The following NXPE2 variants were observed in gnomAD, a reference collection of about 807,000 sequenced individuals.
The protein encoded by NXPE2 is NXPE family member 2.
A neutral mutation model predicts 34.4 loss-of-function variants in NXPE2; 34 were observed. The ratio of observed to expected loss-of-function variants is 0.99; its 90% confidence interval spans 0.75 to 1.31. NXPE2 has a LOEUF of 1.31. NXPE2 is among the 40% of genes most tolerant of loss of function. NXPE2 has a pLI of 0.00. For synonymous variants in NXPE2, 235 were observed against 231.3 expected (o/e 1.02, Z -0.15); for missense variants, 649 against 672.5 (o/e 0.97, Z 0.39).
chr11:114,549,347 T>A, the NXPE2 span, among the ~76,000 whole-genome samples: 1 of 152,038 alleles, frequency 6.6e-6, no homozygotes, highest in East Asian at 1.9e-4. Context: ...GAGATATACA[T>A]CTTAAATAAA....
the NXPE2 span, among the ~76,000 whole-genome samples, chr11:114,534,034 C>A: frequency 1.3e-5 from 2 of 152,210 alleles, no homozygotes; most frequent in Non-Finnish European, 2.9e-5. Context: ...GAGGCACCCC[C>A]CAGTAGGGGC....
At chr11:114,553,312 G>A in the NXPE2 span, among the ~76,000 whole-genome samples, 7 of 152,228 alleles carry the variant, frequency 4.6e-5, no homozygotes, top group Non-Finnish European at 1.0e-4. Context: ...TCCCTCATTC[G>A]AGAGGAGAAT....
At chr11:114,726,656 A>G in the NXPE2 span, among the ~76,000 whole-genome samples, 3 of 152,090 alleles carry the variant, frequency 2.0e-5, no homozygotes. Context: ...TTCATATTCA[A>G]TTAATTTATT....
the NXPE2 span, among the ~76,000 whole-genome samples, chr11:114,474,081 T>C: frequency 6.6e-6 from 1 of 152,108 alleles, no homozygotes; most frequent in South Asian, 2.1e-4. Flanking sequence ...TGAAGAGGTC[T>C]GGGAAGGAAC....
At chr11:114,481,527 T>C in the NXPE2 span, among the ~76,000 whole-genome samples, 15,500 of 152,076 alleles carry the variant, frequency 0.1, 1,099 homozygotes, top group South Asian at 0.23. Context: ...ATTTTAAAAA[T>C]AAGAAATACA....
the NXPE2 span, among the ~76,000 whole-genome samples, chr11:114,762,567 G>C: frequency 1.5e-4 from 23 of 152,236 alleles, no homozygotes; most frequent in African/African-American, 4.1e-4. Flanking sequence ...ATGAACAGAC[G>C]CTGAAGGAAA....
the NXPE2 span, among the ~76,000 whole-genome samples, chr11:114,650,797 A>C: frequency 3.3e-5 from 5 of 152,030 alleles, no homozygotes; most frequent in African/African-American, 4.8e-5. Flanking sequence ...GACTCTCTCT[A>C]AGTTCCAGGT....
the NXPE2 span, among the ~76,000 whole-genome samples, chr11:114,499,305 CAA>C: frequency 6.6e-6 from 1 of 152,072 alleles, no homozygotes; most frequent in South Asian, 2.1e-4. Flanking sequence ...TTGATATTTG[CAA>C]AGACATTAGC....
At chr11:114,638,792 C>T in the NXPE2 span, among the ~76,000 whole-genome samples, 9 of 152,084 alleles carry the variant, frequency 5.9e-5, no homozygotes, top group South Asian at 8.3e-4. Context: ...TTTCGTGAAC[C>T]GTGAATGCTG....
chr11:114,582,300 C>G, the NXPE2 span: 2 of 1,574,396 alleles, frequency 1.3e-6, no homozygotes, highest in Non-Finnish European at 1.7e-6. Context: ...TTCAAAGAGG[C>G]TCTTTTCTTG....
chr11:114,534,448 G>A, the NXPE2 span, among the ~76,000 whole-genome samples: 6 of 152,206 alleles, frequency 3.9e-5, no homozygotes, highest in African/African-American at 1.4e-4. Context: ...TGACTTTGAC[G>A]AGTTGAGAGA....
the NXPE2 span, among the ~76,000 whole-genome samples, chr11:114,594,943 C>A: frequency 1.3e-5 from 2 of 152,008 alleles, no homozygotes; most frequent in Non-Finnish European, 2.9e-5. Context: ...CTCCCAGGTG[C>A]TCTCTTTTAG....
the NXPE2 span, among the ~76,000 whole-genome samples, chr11:114,492,022 G>C: frequency 1.1e-4 from 16 of 152,170 alleles, no homozygotes; most frequent in African/African-American, 3.6e-4. Context: ...GGTCGGGGGA[G>C]GGGGGACGGA....
chr11:114,749,981 A>G, the NXPE2 span, among the ~76,000 whole-genome samples: 1 of 152,088 alleles, frequency 6.6e-6, no homozygotes, highest in South Asian at 2.1e-4. Flanking sequence ...CAGGCTTTGA[A>G]CATTCGCCAA....
chr11:114,724,040 CTTTCTG>C, the NXPE2 span, among the ~76,000 whole-genome samples: 1 of 152,258 alleles, frequency 6.6e-6, no homozygotes, highest in African/African-American at 2.4e-5. Flanking sequence ...AACTAAGAAA[CTTTCTG>C]TTTCCTTTTA....
chr11:114,545,045 A>G, the NXPE2 span, among the ~76,000 whole-genome samples: 1 of 151,664 alleles, frequency 6.6e-6, no homozygotes, highest in Non-Finnish European at 1.5e-5. Flanking sequence ...GCTAAAATTT[A>G]AAAAAAAACC....
At chr11:114,733,257 C>T in the NXPE2 span, among the ~76,000 whole-genome samples, 1 of 152,130 alleles carries the variant, frequency 6.6e-6, no homozygotes, top group Non-Finnish European at 1.5e-5. Flanking sequence ...ACACGCCCGG[C>T]TAATTTTTTG....
chr11:114,516,243 C>T, the NXPE2 span, among the ~76,000 whole-genome samples: 33,078 of 151,822 alleles, frequency 0.22, 4,883 homozygotes, highest in African/African-American at 0.41. Context: ...CACACAAAAG[C>T]TCCTGGACCA....
At chr11:114,651,666 C>A in the NXPE2 span, among the ~76,000 whole-genome samples, 2 of 152,114 alleles carry the variant, frequency 1.3e-5, no homozygotes. Context: ...GTCCGTTTTA[C>A]AGAGAGCTGA....
Sources: allele counts gnomAD v4.1 joint callset (sites outside exome capture counted in the v4.1 genomes callset), GRCh38; gene constraint gnomAD v4.1.1; transcripts MANE v1.5; gene names NCBI Gene and HGNC (gene_info 2026-07-23, HGNC 2026-07-21).